NGEF: variants seen among roughly 807,000 people sequenced by gnomAD.
NGEF encodes the protein ephexin-1.
In NGEF, 31 loss-of-function variants were observed where a neutral mutation model predicts 80.9. That is an observed-to-expected ratio of 0.38 (90% CI 0.29 to 0.52). The LOEUF is 0.52. NGEF is among the 20% of genes least tolerant of loss of function. The pLI is 0.84. For missense variants in NGEF, 709 were observed against 926.2 expected, an observed-to-expected ratio of 0.77 and a Z score of 3.04; for synonymous variants, 371 against 370.2, an observed-to-expected ratio of 1.00 and a Z score of -0.03.
At chr2:232,913,953 T>C (rs1692741112) in intron 5 of NGEF, among the ~76,000 whole-genome samples, 1 of 151,946 alleles carries the variant, frequency 6.6e-6, no homozygotes, top group Non-Finnish European at 1.5e-5. Context: ...AAAATAATTT[T>C]GTGTTTGTAC....
chr2:232,885,832 G>A (rs866812979), intron 9 of NGEF, among the ~76,000 whole-genome samples: 7 of 152,214 alleles, frequency 4.6e-5, no homozygotes, highest in African/African-American at 1.2e-4. Flanking sequence ...CAGGCTCGCC[G>A]CAGGCTCTCA....
chr2:232,975,984 T>C (rs985950598), intron 1 of NGEF, among the ~76,000 whole-genome samples: 5 of 152,158 alleles, frequency 3.3e-5, no homozygotes, highest in African/African-American at 1.2e-4. Flanking sequence ...GCAGATCACC[T>C]GAGGCCAGGA....
intron 1 of NGEF, among the ~76,000 whole-genome samples, chr2:232,982,567 G>A (rs940019431): frequency 3.9e-5 from 6 of 152,158 alleles, no homozygotes; most frequent in African/African-American, 1.4e-4. Flanking sequence ...AAGCTGGAGT[G>A]CAGTGGCACG....
chr2:232,897,749 C>T (rs1208125093), intron 5 of NGEF, among the ~76,000 whole-genome samples: 8 of 152,358 alleles, frequency 5.3e-5, no homozygotes, highest in East Asian at 1.9e-4. Flanking sequence ...AGAGATGAGA[C>T]GCTGAAATGA....
intron 5 of NGEF, among the ~76,000 whole-genome samples, chr2:232,917,686 G>C (rs1692838141): frequency 6.6e-6 from 1 of 152,006 alleles, no homozygotes; most frequent in Non-Finnish European, 1.5e-5. Flanking sequence ...AGATGACTCT[G>C]TTCACTTGGG....
At chr2:233,005,410 G>A (rs890240393) in intron 1 of NGEF, among the ~76,000 whole-genome samples, 7 of 152,198 alleles carry the variant, frequency 4.6e-5, no homozygotes, top group Non-Finnish European at 8.8e-5. Flanking sequence ...CAGATTCTCA[G>A]CTGGGAAGGT....
intron 1 of NGEF, among the ~76,000 whole-genome samples, chr2:233,008,113 AG>A (rs1337604309): frequency 2.0e-5 from 3 of 152,198 alleles, no homozygotes; most frequent in Non-Finnish European, 2.9e-5. Flanking sequence ...CCCATATGTG[AG>A]GGTTCTAAAA....
intron 3 of NGEF, among the ~76,000 whole-genome samples, chr2:232,956,562 T>C (rs1018734455): frequency 3.3e-5 from 5 of 151,026 alleles, no homozygotes; most frequent in African/African-American, 1.2e-4. Context: ...AGGTCAGGAG[T>C]TCGAGACCAG....
chr2:232,884,957 C>T (rs779309301), intron 10 of NGEF: 13 of 244,494 alleles, frequency 5.3e-5, no homozygotes, highest in Non-Finnish European at 8.6e-5. Context: ...CAGCACCCCC[C>T]ACATCCTCCA....
At chr2:232,965,088 G>A (rs562741701) in intron 3 of NGEF, among the ~76,000 whole-genome samples, 35 of 152,314 alleles carry the variant, frequency 2.3e-4, no homozygotes, top group African/African-American at 4.8e-4. Flanking sequence ...TAACGACAGC[G>A]ACGATTCCAA....
intron 5 of NGEF, chr2:232,901,433 G>GT (rs773492281): frequency 6.1e-4 from 600 of 985,264 alleles, no homozygotes; most frequent in Middle Eastern, 1.0e-3. Context: ...GATTTGGGTT[G>GT]TTTTTTTGGC....
chr2:232,960,430 A>G (rs1574638325), intron 3 of NGEF, among the ~76,000 whole-genome samples: 3 of 152,174 alleles, frequency 2.0e-5, no homozygotes, highest in African/African-American at 7.2e-5. Context: ...GCAGATTCAC[A>G]GGAACACCCT....
chr2:232,900,568 T>A lies in NGEF; in HGVS notation c.829-5652A>T, dbSNP rs28407217. 3.4e-3 allele frequency among the ~76,000 whole-genome samples: 132 copies of A among 39,158 alleles called. 1 individual carries two copies. Among genetic ancestry groups the A allele is most frequent in the African/African-American group, 4.1e-3 (33 of 8,070 alleles). 25.7% of individuals were successfully genotyped at this position (39,158 alleles called of 152,430 possible). The stretch of plus-strand genomic sequence containing the variant: ...CATATACACGTTCACTCACATTCAC[T>A]CACACACACGCTCTCACAGTCACTC... On this transcript the variant is annotated intron_variant, in intron 5 of 14. Transcript: ENST00000264051.
intron 1 of NGEF, among the ~76,000 whole-genome samples, chr2:232,992,567 A>G (rs971107604): frequency 1.3e-5 from 2 of 152,112 alleles, no homozygotes; most frequent in Non-Finnish European, 2.9e-5. Flanking sequence ...AAAATTTAAA[A>G]AAAAGAAGAA....
chr2:232,885,260 C>T lies in NGEF; in HGVS notation c.1437+20G>A. The T allele has an allele frequency of 6.2e-7, 1 of 1,610,988 alleles. No homozygotes were observed. The stretch of plus-strand genomic sequence containing the variant: ...GGGCCTGTGCATGGGCACAGGCTCA[C>T]ACCAATCCCACCGGTTCACCTTGAT... On this transcript the variant is annotated intron_variant, in intron 10 of 14. Coordinates refer to ENST00000264051, the MANE Select transcript of NGEF (RefSeq NM_019850.3).
At chr2:233,010,347 T>C (rs1316761250) in intron 1 of NGEF, among the ~76,000 whole-genome samples, 1 of 152,202 alleles carries the variant, frequency 6.6e-6, no homozygotes, top group Non-Finnish European at 1.5e-5. Flanking sequence ...CCTGGAGCAT[T>C]CATTCTGAGT....
At chr2:233,012,394 C>T (rs2106350669) in intron 1 of NGEF, among the ~76,000 whole-genome samples, 1 of 152,308 alleles carries the variant, frequency 6.6e-6, no homozygotes, top group South Asian at 2.1e-4. Context: ...TTGAGGCCAG[C>T]CAGATGCAAA....
At chr2:232,943,709 T>A (rs28631381) in intron 3 of NGEF, among the ~76,000 whole-genome samples, 10,575 of 148,496 alleles carry the variant, frequency 0.071, 678 homozygotes, top group African/African-American at 0.18. Context: ...GTTAGCCAGG[T>A]TGGTCTCAAT....
chr2:232,976,966 G>C (rs1694307542), intron 1 of NGEF, among the ~76,000 whole-genome samples: 1 of 152,172 alleles, frequency 6.6e-6, no homozygotes, highest in Non-Finnish European at 1.5e-5. Context: ...GTGGCTGGGA[G>C]GACACACTTA....
Sources: allele counts gnomAD v4.1 joint callset (sites outside exome capture counted in the v4.1 genomes callset), GRCh38; gene constraint gnomAD v4.1.1; transcripts MANE v1.5; gene names NCBI Gene and HGNC (gene_info 2026-07-23, HGNC 2026-07-21).